Variants in ITGA11 observed in about 807,000 individuals in gnomAD.
ITGA11 encodes the protein integrin alpha-11.
Under a neutral mutation model 141.9 loss-of-function variants are expected in ITGA11, and 97 were observed. The observed-to-expected ratio is 0.68, with a 90% confidence interval of 0.58 to 0.81. The LOEUF is 0.81. Ranked by LOEUF, ITGA11 falls within the 30% of genes least tolerant of loss-of-function variation. The probability of loss-of-function intolerance (pLI) is 0.00; values close to 1 mark genes in which losing one functional copy is unlikely to be tolerated. For synonymous variants in ITGA11, 658 were observed against 624.6 expected, an observed-to-expected ratio of 1.05 and a Z score of -0.80; for missense variants, 1,387 against 1,559.2, an observed-to-expected ratio of 0.89 and a Z score of 1.86.
rs1204493852 is a variant in ITGA11, at chr15:68,351,403, C to T, written c.750-1G>A. ...TCCACCCTTCTGGAAAGCCTCTGAG[C>T]TGGAAGCCAAGCACAGGGGCAGGGT... On this transcript the variant is annotated splice_acceptor_variant, in intron 7 of 29. Transcript: ENST00000315757. LOFTEE classifies it high-confidence loss of function. 2 of 1,613,490 alleles carry T rather than the reference C, an allele frequency of 1.2e-6. No homozygotes were observed. The highest frequency in any genetic ancestry group is 1.7e-6 in the Non-Finnish European group (2 of 1,179,786).
In ITGA11 at chr15:68,335,941, A is replaced by G; in HGVS notation, c.1277-96T>C. On this transcript the variant is annotated intron_variant, in intron 11 of 29. Coordinates refer to ENST00000315757, the MANE Select transcript of ITGA11 (RefSeq NM_001004439.2). This position sits in a 1 kb window ranked among gnomAD's most constrained non-coding sequence, Gnocchi z 4.9. ...GCTTGGCAGTGCCAGAGGATGGGCC[A>G]GTGATGGGGTAGGTTCAGGGCTAGC... 1 of 1,408,886 alleles carries G rather than the reference A, an allele frequency of 7.1e-7. No homozygotes were observed. Among genetic ancestry groups the G allele is most frequent in the Non-Finnish European group, 9.7e-7 (1 of 1,030,116 alleles). The allele number at this position is 1,408,886 out of a possible 1,614,324, so 87.3% of individuals were successfully genotyped here.
intron 23 of ITGA11, 65 bp downstream of exon 23, chr15:68,313,714 C>A (rs1243564846): frequency 4.6e-6 from 6 of 1,296,258 alleles, no homozygotes; most frequent in African/African-American, 1.5e-5. Context: ...GATGCCCCCC[C>A]TTAGGCCTCC....
rs150228762 is a variant in ITGA11, at chr15:68,421,741, C to T, written c.52+10274G>A. 5.3e-5 allele frequency among the ~76,000 whole-genome samples: 8 copies of T among 152,008 alleles called. No individual in the cohort carries two copies. In the East Asian group the frequency reaches 1.5e-3, roughly 29 times the overall value. On this transcript the variant is annotated intron_variant, in intron 1 of 29. Transcript: ENST00000315757. ...GGTGAGGGGCTGGGTTTCAGATGGG[C>T]TAGAATGCAGACAGATCTACGCTGA... is the stretch of plus-strand genomic sequence containing the variant.
intron 1 of ITGA11, among the ~76,000 whole-genome samples, chr15:68,410,179 C>T (rs539714626): frequency 3.3e-5 from 5 of 152,324 alleles, no homozygotes; most frequent in Admixed American, 6.5e-5. Flanking sequence ...TTGGAGCTGA[C>T]GGCCAGAGGA....
intron 10 of ITGA11, among the ~76,000 whole-genome samples, chr15:68,343,787 A>C (rs1894646770): frequency 6.6e-6 from 1 of 152,032 alleles, no homozygotes; most frequent in Admixed American, 6.5e-5. Flanking sequence ...CTTTTTCACT[A>C]ATGGCTTGGA....
Position 68,330,232 on chromosome 15 carries a change from T to C in ITGA11, c.1901+749A>G, listed in dbSNP as rs192816345. ...TTGTGAACAGGAGCCTGTCTTTTCC[T>C]TTATTCTCCCTGTGAAGTTATATAT... On this transcript the variant is annotated intron_variant, in intron 15 of 29. Coordinates refer to ENST00000315757, the MANE Select transcript of ITGA11 (RefSeq NM_001004439.2). 5.8e-4 allele frequency among the ~76,000 whole-genome samples: 88 copies of C among 152,352 alleles called. No individual in the cohort carries two copies. The East Asian group carries it at 7.3e-3, about 13-fold the overall frequency.
intron 11 of ITGA11, among the ~76,000 whole-genome samples, chr15:68,338,661 G>A (rs1254336440): frequency 2.0e-5 from 3 of 152,242 alleles, no homozygotes; most frequent in Non-Finnish European, 4.4e-5. Flanking sequence ...ATTGGCTAAC[G>A]AGCTGAGGAA....
chr15:68,315,509 A>C, intron 22 of ITGA11, 142 bp downstream of exon 22: 1 of 737,320 alleles, frequency 1.4e-6, no homozygotes, highest in Non-Finnish European at 2.3e-6. Context: ...TCCCCACCCC[A>C]CTGCCTCCAC....
intron 1 of ITGA11, among the ~76,000 whole-genome samples, chr15:68,420,814 C>T (rs1445532111): frequency 1.3e-5 from 2 of 152,022 alleles, no homozygotes; most frequent in Non-Finnish European, 2.9e-5. Context: ...TCCATCGGAG[C>T]AGGCAATATA....
rs1893136268 is a variant in ITGA11, at chr15:68,304,791, T to C, written c.3382-906A>G. Among the ~76,000 whole-genome samples, 1 of 152,214 alleles carries C rather than the reference T, an allele frequency of 6.6e-6. No homozygotes were observed. Among genetic ancestry groups the C allele is most frequent in the South Asian group, 2.1e-4 (1 of 4,836 alleles). On this transcript the variant is annotated intron_variant, in intron 28 of 29. Coordinates refer to ENST00000315757, the MANE Select transcript of ITGA11 (RefSeq NM_001004439.2). The surrounding 1 kb of genome is among the most constrained non-coding windows in gnomAD (Gnocchi z 6.1). ...CGCGCTGCTCAGGCCAGAAGCCATG[T>C]ATCCATCACTGACCCTAACTCTCAC...
intron 8 of ITGA11, 101 bp from the exon 9 acceptor site, chr15:68,350,883 C>A: frequency 8.3e-7 from 1 of 1,210,672 alleles, no homozygotes; most frequent in Non-Finnish European, 1.2e-6. Flanking sequence ...TGGGCTGGAG[C>A]CAGGGCCGGT....
intron 2 of ITGA11, among the ~76,000 whole-genome samples, chr15:68,399,082 T>G (rs944422299): frequency 6.6e-6 from 1 of 151,954 alleles, no homozygotes; most frequent in Non-Finnish European, 1.5e-5. Flanking sequence ...GACTTAAAAA[T>G]TTATATGGAA....
chr15:68,366,262 G>A (rs767106940), intron 3 of ITGA11, among the ~76,000 whole-genome samples: 3 of 152,156 alleles, frequency 2.0e-5, no homozygotes, highest in South Asian at 2.1e-4. Flanking sequence ...GACCCCTCAC[G>A]GTCCTGGGAG....
intron 7 of ITGA11, 98 bp from the exon 8 acceptor site, chr15:68,351,500 A>T: frequency 2.1e-6 from 3 of 1,399,922 alleles, no homozygotes; most frequent in Non-Finnish European, 2.9e-6. Context: ...ACCAGGACCA[A>T]GTCCTCCTTG....
intron 20 of ITGA11, among the ~76,000 whole-genome samples, chr15:68,318,357 G>A (rs1893666536): frequency 6.6e-6 from 1 of 152,208 alleles, no homozygotes; most frequent in African/African-American, 2.4e-5. Flanking sequence ...GCCTTGTGAA[G>A]TCTGGGCCAG....
At chr15:68,376,458 A>G (rs1306413024) in intron 2 of ITGA11, among the ~76,000 whole-genome samples, 4 of 152,240 alleles carry the variant, frequency 2.6e-5, no homozygotes, top group African/African-American at 9.6e-5. Flanking sequence ...TTAAGCCCCA[A>G]GGGAGCTAGG....
chr15:68,303,668 C>A lies in ITGA11; in HGVS notation c.3495+104G>T. The stretch of plus-strand genomic sequence containing the variant: ...TATGGCGAGGGGTGGGGTGCCAGCT[C>A]CCCTGGAGAGGAGAACGTGGCAGCG... On this transcript the variant is annotated intron_variant, in intron 29 of 29. Transcript: ENST00000315757. This position sits in a 1 kb window ranked among gnomAD's most constrained non-coding sequence, Gnocchi z 5.3. 2 of 740,644 alleles carry A rather than the reference C, an allele frequency of 2.7e-6. No homozygotes were observed. The highest frequency in any genetic ancestry group is 4.6e-6 in the Non-Finnish European group (2 of 438,230). The allele number at this position is 740,644 out of a possible 1,614,324, so 45.9% of individuals were successfully genotyped here. A position where few individuals can be genotyped will look rare whatever the true frequency, so the allele number is the denominator to read the frequency against.
chr15:68,424,785 C>T (rs1897102041), intron 1 of ITGA11, among the ~76,000 whole-genome samples: 1 of 152,196 alleles, frequency 6.6e-6, no homozygotes, highest in Admixed American at 6.5e-5. Context: ...CTCAAGTCTG[C>T]CAAGGTGGAA....
intron 19 of ITGA11, among the ~76,000 whole-genome samples, chr15:68,320,640 A>G (rs987416120): frequency 6.6e-6 from 1 of 152,180 alleles, no homozygotes; most frequent in Non-Finnish European, 1.5e-5. Context: ...CTGAACCCAG[A>G]GCTCTTATTT....
Sources: allele counts gnomAD v4.1 joint callset (sites outside exome capture counted in the v4.1 genomes callset), GRCh38; gene constraint gnomAD v4.1.1; non-coding constraint Gnocchi (gnomAD v3.1); transcripts MANE v1.5; gene names NCBI Gene and HGNC (gene_info 2026-07-23, HGNC 2026-07-21).